Variants in ZBBX observed in about 807,000 individuals in gnomAD.
ZBBX encodes zinc finger B-box domain containing, also known as zinc finger B-box domain-containing protein 1.
ZBBX carries 101 observed loss-of-function variants against 108.5 expected under a neutral mutation model. The ratio of observed to expected loss-of-function variants is 0.93; its 90% CI spans 0.79 to 1.10. The LOEUF is 1.10. Among genes scored for constraint, ZBBX ranks in the 50% least tolerant of loss-of-function variants. The pLI is 0.00. For synonymous variants in ZBBX, 356 were observed against 323.4 expected, an observed-to-expected ratio of 1.10 and a Z score of -1.08; for missense variants, 1,009 against 941.4, an observed-to-expected ratio of 1.07 and a Z score of -0.94.
chr3:167,224,604 G>A, the ZBBX span, among the ~76,000 whole-genome samples: 147 of 151,936 alleles, frequency 9.7e-4, no homozygotes, highest in South Asian at 6.6e-3. Flanking sequence ...AAGTAAATAC[G>A]TTTGGAAAAC....
rs386470008 is a variant in ZBBX at position 167,269,660 on chromosome 3, T to C, written c.2254+12578A>G. On this transcript the variant is annotated intron_variant, in intron 20 of 21. Coordinates refer to ENST00000675490, the MANE Select transcript of ZBBX (RefSeq NM_001199201.2). The stretch of plus-strand genomic sequence containing the variant: ...CCATAATTGAAAGTGTCATGAAAGA[T>C]GGGCTTCTTGAGCCTTGTATGTCTC... 2.9e-3 allele frequency among the ~76,000 whole-genome samples: 438 copies of C among 152,316 alleles called. 6 individuals carry two copies. The highest frequency in any genetic ancestry group is 0.011 in the South Asian group (52 of 4,822).
At chr3:167,370,128 T>C (rs1402431689) in intron 4 of ZBBX, among the ~76,000 whole-genome samples, 1 of 152,048 alleles carries the variant, frequency 6.6e-6, no homozygotes, top group Admixed American at 6.6e-5. Flanking sequence ...GGAAATCAAT[T>C]AGAGGGTGCA....
chr3:167,229,744 T>A, the ZBBX span, among the ~76,000 whole-genome samples: 1 of 151,646 alleles, frequency 6.6e-6, no homozygotes, highest in Non-Finnish European at 1.5e-5. Flanking sequence ...CATGCTTAGG[T>A]TTTGCTTTTG....
the ZBBX span, among the ~76,000 whole-genome samples, chr3:167,226,640 A>G: frequency 6.6e-6 from 1 of 151,762 alleles, no homozygotes; most frequent in Admixed American, 6.6e-5. Context: ...CATGAATGTT[A>G]TCTCTGAATA....
At chr3:167,336,590 T>G (rs982573237) in intron 9 of ZBBX, among the ~76,000 whole-genome samples, 8 of 152,178 alleles carry the variant, frequency 5.3e-5, no homozygotes, top group Non-Finnish European at 1.0e-4. Flanking sequence ...CAAAATGTCG[T>G]GACTTGAAAT....
the ZBBX span, among the ~76,000 whole-genome samples, chr3:167,194,069 T>A: frequency 6.6e-6 from 1 of 151,936 alleles, no homozygotes; most frequent in Admixed American, 6.6e-5. Flanking sequence ...GGTGACTAGA[T>A]TTTGTAATAA....
At chr3:167,226,219 T>C in the ZBBX span, among the ~76,000 whole-genome samples, 1 of 151,848 alleles carries the variant, frequency 6.6e-6, no homozygotes, top group African/African-American at 2.4e-5. Flanking sequence ...AATGTGTGAT[T>C]CCTTTCTGCA....
At chr3:167,280,281 C>CA (rs879821838) in intron 20 of ZBBX, among the ~76,000 whole-genome samples, 3,768 of 130,124 alleles carry the variant, frequency 0.029, 90 homozygotes, top group African/African-American at 0.074. Flanking sequence ...TTCTGCACAG[C>CA]AAAAAAAAAA....
intron 9 of ZBBX, among the ~76,000 whole-genome samples, chr3:167,345,674 C>T (rs1397623156): frequency 6.6e-6 from 1 of 151,704 alleles, no homozygotes; most frequent in Non-Finnish European, 1.5e-5. Flanking sequence ...TCCCATCAAG[C>T]TACCATTATT....
the ZBBX span, among the ~76,000 whole-genome samples, chr3:167,233,957 G>C: frequency 2.0e-5 from 3 of 151,596 alleles, 1 homozygote; most frequent in African/African-American, 7.3e-5. Flanking sequence ...TCTTTCTTCT[G>C]TCTTATAAAG....
intron 1 of ZBBX, chr3:167,399,532 A>G (rs931179273): frequency 7.2e-5 from 11 of 152,152 alleles, no homozygotes; most frequent in African/African-American, 2.7e-4. Flanking sequence ...TGACTGAAAA[A>G]AGATTGACTG....
rs1157842130 is a variant in ZBBX, at chr3:167,374,081, G to A, written c.-131-294C>T. 2.0e-5 allele frequency among the ~76,000 whole-genome samples: 3 copies of A among 151,886 alleles called. No individual in the cohort carries two copies. In the East Asian group the frequency reaches 5.8e-4, roughly 29 times the overall value. ...GTTCTATCTAAAAATAATATCCAAG[G>A]CCGTGCAGAGAGAAACGAAAAGAAT... is the stretch of plus-strand genomic sequence containing the variant. On this transcript the variant is annotated intron_variant, in intron 2 of 21. Coordinates refer to ENST00000675490, the MANE Select transcript of ZBBX (RefSeq NM_001199201.2).
At chr3:167,274,009 A>T (rs1727028157) in intron 20 of ZBBX, among the ~76,000 whole-genome samples, 1 of 152,214 alleles carries the variant, frequency 6.6e-6, no homozygotes, top group African/African-American at 2.4e-5. Context: ...TAGTTGAGCA[A>T]TTAGGACCTA....
the ZBBX span, among the ~76,000 whole-genome samples, chr3:167,187,332 T>C: frequency 6.6e-6 from 1 of 152,174 alleles, no homozygotes; most frequent in Non-Finnish European, 1.5e-5. Flanking sequence ...AATTTTACTA[T>C]GCAAAATCTT....
At chr3:167,180,281 T>C in the ZBBX span, among the ~76,000 whole-genome samples, 1 of 152,228 alleles carries the variant, frequency 6.6e-6, no homozygotes, top group African/African-American at 2.4e-5. Context: ...CCTCTAAGGA[T>C]AGAAAACAGA....
At chr3:167,263,181 C>G (rs116349511) in intron 20 of ZBBX, among the ~76,000 whole-genome samples, 1,742 of 152,038 alleles carry the variant, frequency 0.011, 31 homozygotes, top group African/African-American at 0.04. Context: ...GGATTACAGG[C>G]ACGCACCACT....
intron 14 of ZBBX, among the ~76,000 whole-genome samples, 169 bp from the exon 15 acceptor site, chr3:167,315,998 A>T (rs912711164): frequency 6.6e-6 from 1 of 152,096 alleles, no homozygotes; most frequent in Admixed American, 6.6e-5. Flanking sequence ...AACAAATTCA[A>T]CTGACATTGG....
In ZBBX at chr3:167,314,153, A is replaced by G. The variant is rs754541568; in HGVS notation, c.1275-37T>C. ...AGGAACAAACAAAATAATAGAGTTG[A>G]AAAAATGATTTTAAAAAGAAAATTT... On this transcript the variant is annotated intron_variant, in intron 15 of 21. Coordinates refer to ENST00000675490, the MANE Select transcript of ZBBX (RefSeq NM_001199201.2). The G allele has an allele frequency of 7.9e-6, 12 of 1,518,418 alleles. 1 individual carries two copies. In the South Asian group the frequency reaches 1.2e-4, roughly 15 times the overall value. 94.1% of individuals were successfully genotyped at this position (1,518,418 alleles called of 1,614,324 possible).
At chr3:167,360,095 T>C (rs578108035) in intron 7 of ZBBX, 116 bp from the exon 8 acceptor site, 3 of 339,772 alleles carry the variant, frequency 8.8e-6, no homozygotes, top group African/African-American at 2.2e-5. Flanking sequence ...GAAGCCCACA[T>C]AGAACAAATT....
Sources: allele counts gnomAD v4.1 joint callset (sites outside exome capture counted in the v4.1 genomes callset), GRCh38; gene constraint gnomAD v4.1.1; transcripts MANE v1.5; gene names NCBI Gene and HGNC (gene_info 2026-07-23, HGNC 2026-07-21).